The following LMF1 variants were observed in gnomAD, a reference collection of about 807,000 sequenced individuals.
LMF1 encodes transmembrane protein 112.
LMF1 carries 68 observed loss-of-function variants against 60.6 expected under a neutral mutation model. The ratio of observed to expected loss-of-function variants is 1.12; its 90% CI spans 0.92 to 1.37. The LOEUF (loss-of-function observed/expected upper bound fraction) is 1.37. Ranked by LOEUF, LMF1 falls within the 40% of genes most tolerant of loss-of-function variation. The pLI is 0.00. For missense variants in LMF1, 948 were observed against 767.2 expected, an observed-to-expected ratio of 1.24 and a Z score of -2.78; for synonymous variants, 418 against 324.7, an observed-to-expected ratio of 1.29 and a Z score of -3.09.
At position 929,476 on chromosome 16, in the gene LMF1, C is replaced by T. The variant is rs373370948; in HGVS notation, c.514+4768G>A. Among the ~76,000 whole-genome samples the T allele has an allele frequency of 3.5e-4, 53 of 152,322 alleles. No individual in the cohort carries two copies. The South Asian group carries it at 0.011, about 32-fold the overall frequency. ...AGGCGGTCTGGTCCTGGAGGGAAAG[C>T]AGGCAGCCCCACGGAGCCCTGCCAC... is the stretch of plus-strand genomic sequence containing the variant. On this transcript the variant is annotated intron_variant, in intron 3 of 10. Coordinates refer to ENST00000262301, the MANE Select transcript of LMF1 (RefSeq NM_022773.4).
At chr16:940,057 G>A (rs1163705429) in intron 2 of LMF1, among the ~76,000 whole-genome samples, 5 of 152,182 alleles carry the variant, frequency 3.3e-5, no homozygotes, top group African/African-American at 7.2e-5. Context: ...AAGGGGAGGA[G>A]GCAAAGCGGC....
intron 2 of LMF1, among the ~76,000 whole-genome samples, chr16:944,113 C>T (rs1347641512): frequency 6.6e-6 from 1 of 152,122 alleles, no homozygotes; most frequent in African/African-American, 2.4e-5. Context: ...AAGATGTGGC[C>T]TTTCTGGGGG....
At chr16:957,384 A>G (rs573642255) in intron 1 of LMF1, among the ~76,000 whole-genome samples, 2 of 152,254 alleles carry the variant, frequency 1.3e-5, no homozygotes, top group South Asian at 2.1e-4. Flanking sequence ...ATAAATCTAA[A>G]AACATATAAA....
chr16:856,831 T>C (rs1313842868), intron 10 of LMF1, among the ~76,000 whole-genome samples: 1 of 152,064 alleles, frequency 6.6e-6, no homozygotes, highest in Non-Finnish European at 1.5e-5. Flanking sequence ...TCCCAGCCCT[T>C]TTGAAATAGA....
Position 888,365 on chromosome 16 carries a change from A to G in LMF1, c.729+4642T>C, listed in dbSNP as rs12597558. On this transcript the variant is annotated intron_variant, in intron 5 of 10. Coordinates refer to ENST00000262301, the MANE Select transcript of LMF1 (RefSeq NM_022773.4). ...CAACAGAGTTATGTTCAACTCCCCT[A>G]AAAAGCAATGGAGAATTGTTTGCAA... is the stretch of plus-strand genomic sequence containing the variant. 5.0e-3 allele frequency among the ~76,000 whole-genome samples: 759 copies of G among 152,342 alleles called. 22 individuals are homozygous for G. The East Asian group carries it at 0.11, about 21-fold the overall frequency.
intron 4 of LMF1, among the ~76,000 whole-genome samples, chr16:896,742 G>T (rs1209367006): frequency 6.6e-6 from 1 of 152,062 alleles, no homozygotes; most frequent in African/African-American, 2.4e-5. Flanking sequence ...TCCGAGAGTG[G>T]AACTCTATGG....
At chr16:886,613 G>T (rs1244070598) in intron 5 of LMF1, among the ~76,000 whole-genome samples, 1 of 8,638 alleles carries the variant, frequency 1.2e-4, no homozygotes, top group Non-Finnish European at 1.7e-4. Flanking sequence ...GGCCCCCGGC[G>T]TTCCCCAGGC....
At position 942,948 on chromosome 16, in the gene LMF1, A is replaced by G. The variant is rs142498283; in HGVS notation, c.504-8694T>C. Among the ~76,000 whole-genome samples the G allele has an allele frequency of 4.8e-3, 726 of 152,306 alleles. 11 individuals are homozygous for G. Among genetic ancestry groups the G allele is most frequent in the African/African-American group, 0.016 (679 of 41,570 alleles). On this transcript the variant is annotated intron_variant, in intron 2 of 10. Coordinates refer to ENST00000262301, the MANE Select transcript of LMF1 (RefSeq NM_022773.4). ...TCTTTAGCTTGGATAATTTCTACAG[A>G]TTTCTCTTAAAATTCATTGAGGCTA... is the stretch of plus-strand genomic sequence containing the variant.
At chr16:954,922 T>A (rs564872923) in intron 1 of LMF1, among the ~76,000 whole-genome samples, 1 of 141,036 alleles carries the variant, frequency 7.1e-6, no homozygotes, top group African/African-American at 2.8e-5. Flanking sequence ...ACACGTTACA[T>A]AAAATGCGTG....
At chr16:942,476 T>C (rs539698168) in intron 2 of LMF1, among the ~76,000 whole-genome samples, 1 of 152,124 alleles carries the variant, frequency 6.6e-6, no homozygotes, top group Non-Finnish European at 1.5e-5. Context: ...CCATTTTCTG[T>C]GTCCTCTCTC....
At chr16:862,627 G>A (rs2069498211) in intron 10 of LMF1, among the ~76,000 whole-genome samples, 1 of 152,166 alleles carries the variant, frequency 6.6e-6, no homozygotes, top group Non-Finnish European at 1.5e-5. Context: ...GGAGGCTGAG[G>A]TGGGAGGACT....
chr16:869,172 C>A, intron 9 of LMF1, 116 bp from the exon 10 acceptor site: 2 of 761,422 alleles, frequency 2.6e-6, no homozygotes, highest in Non-Finnish European at 4.7e-6. Flanking sequence ...AGGTGGGTTC[C>A]CTGGGCAGCC....
At chr16:913,033 G>A (rs1350973677) in intron 3 of LMF1, among the ~76,000 whole-genome samples, 3 of 152,188 alleles carry the variant, frequency 2.0e-5, no homozygotes, top group Admixed American at 2.0e-4. Flanking sequence ...CACAGCACAC[G>A]CTGCCACTGC....
chr16:917,424 G>A (rs1446767593), intron 3 of LMF1, among the ~76,000 whole-genome samples: 2 of 142,832 alleles, frequency 1.4e-5, no homozygotes, highest in African/African-American at 5.5e-5. Flanking sequence ...AATGCCACAC[G>A]TGTGCGCTGC....
In LMF1 at chr16:911,019, G is replaced by T. The variant is rs370179235; in HGVS notation, c.575C>A (p.Thr192Lys). 3.1e-6 allele frequency: 5 copies of T among 1,613,030 alleles called. No homozygotes were observed. The highest frequency in any genetic ancestry group is 1.6e-4 in the Middle Eastern group (1 of 6,062). Residue 192 changes from threonine to lysine, a missense_variant, in exon 4 of 11, where the codon ACG (threonine) becomes AAG (lysine). Coordinates refer to ENST00000262301, the MANE Select transcript of LMF1 (RefSeq NM_022773.4). Reference sequence around the variant, plus strand: ...GGTATGCTGGGGCAGCCTTGACAGCGTCCACAGAGGGCACAGGAAGATCCC... The same window carrying T: ...GGTATGCTGGGGCAGCCTTGACAGCTTCCACAGAGGGCACAGGAAGATCCC... ...FLGIFLCPLW[T>K]LSRLPQHTPT...
At chr16:938,662 C>T (rs1405367169) in intron 2 of LMF1, among the ~76,000 whole-genome samples, 3 of 152,160 alleles carry the variant, frequency 2.0e-5, no homozygotes, top group Non-Finnish European at 2.9e-5. Context: ...TGGGAGGACC[C>T]GGGCTGTTGA....
At chr16:926,482 G>A (rs548773454) in intron 3 of LMF1, among the ~76,000 whole-genome samples, 8 of 152,348 alleles carry the variant, frequency 5.3e-5, no homozygotes, top group African/African-American at 7.2e-5. Context: ...CTGTGTGTGC[G>A]CATGTGCGCA....
intron 3 of LMF1, among the ~76,000 whole-genome samples, chr16:920,528 C>T (rs575226509): frequency 7.9e-5 from 12 of 152,308 alleles, no homozygotes; most frequent in Non-Finnish European, 1.6e-4. Flanking sequence ...AACACGAAGA[C>T]ATAGCAGCCA....
At chr16:945,000 G>T (rs1212709224) in intron 2 of LMF1, among the ~76,000 whole-genome samples, 2 of 150,548 alleles carry the variant, frequency 1.3e-5, no homozygotes, top group Non-Finnish European at 3.0e-5. Flanking sequence ...GATCACTGGA[G>T]GTCAGGAGTT....
Sources: gnomAD v4.1 joint callset for allele counts (sites outside exome capture counted in the v4.1 genomes callset) on GRCh38, gnomAD v4.1.1 for gene constraint, MANE v1.5 for transcripts, NCBI Gene and HGNC (gene_info 2026-07-23, HGNC 2026-07-21) for gene names.